Variants in GPR137C observed in about 807,000 individuals in gnomAD.
GPR137C encodes G protein-coupled receptor 137C.
In GPR137C, 27 loss-of-function variants were observed where a neutral mutation model predicts 43.4. The ratio of observed to expected loss-of-function variants is 0.62; its 90% CI spans 0.46 to 0.86. The LOEUF (loss-of-function observed/expected upper bound fraction) is 0.86, where lower values mean the gene tolerates loss of function less well. Among genes scored for constraint, GPR137C ranks in the 40% least tolerant of loss-of-function variants. GPR137C has a pLI of 0.00. For synonymous variants in GPR137C, 285 were observed against 226.9 expected (o/e 1.26, Z -2.30); for missense variants, 522 against 534.6 (o/e 0.98, Z 0.23).
intron 3 of GPR137C, among the ~76,000 whole-genome samples, chr14:52,628,028 C>G (rs1238020036): frequency 6.6e-6 from 1 of 152,142 alleles, no homozygotes; most frequent in Non-Finnish European, 1.5e-5. Flanking sequence ...TAAATACTCT[C>G]ATGTGGCTAG....
intron 1 of GPR137C, among the ~76,000 whole-genome samples, chr14:52,590,268 T>C (rs923143628): frequency 3.9e-5 from 6 of 152,076 alleles, no homozygotes; most frequent in Non-Finnish European, 7.4e-5. Context: ...AAAAAGCTTA[T>C]TGAATAAGGA....
intron 1 of GPR137C, among the ~76,000 whole-genome samples, chr14:52,578,910 C>T (rs1001412659): frequency 2.6e-5 from 4 of 151,496 alleles, no homozygotes; most frequent in Admixed American, 6.6e-5. Context: ...TGCCACTGCA[C>T]TCCTGCCTGG....
At chr14:52,613,662 T>A (rs1479678743) in intron 3 of GPR137C, 2 of 272,320 alleles carry the variant, frequency 7.3e-6, no homozygotes, top group African/African-American at 4.5e-5. Flanking sequence ...CAGTTCCATG[T>A]TGTTGCAGAT....
At chr14:52,569,711 A>T (rs1162769859) in intron 1 of GPR137C, among the ~76,000 whole-genome samples, 1 of 151,896 alleles carries the variant, frequency 6.6e-6, no homozygotes, top group Non-Finnish European at 1.5e-5. Context: ...GATCAACTTA[A>T]TGAAATAAAG....
intron 3 of GPR137C, among the ~76,000 whole-genome samples, chr14:52,624,558 TA>T (rs2039198726): frequency 7.8e-6 from 1 of 127,620 alleles, no homozygotes; most frequent in African/African-American, 2.6e-5. Context: ...ACCTCATCTC[TA>T]CAAAAAATAC....
At chr14:52,625,833 C>T (rs906470240) in intron 3 of GPR137C, among the ~76,000 whole-genome samples, 2 of 151,858 alleles carry the variant, frequency 1.3e-5, no homozygotes, top group Non-Finnish European at 2.9e-5. Flanking sequence ...GAATTACAGG[C>T]GTGAGCCACT....
chr14:52,572,790 A>G (rs977686163), intron 1 of GPR137C, among the ~76,000 whole-genome samples: 3 of 152,236 alleles, frequency 2.0e-5, no homozygotes, highest in Non-Finnish European at 4.4e-5. Context: ...TCAAATAGGA[A>G]GAGAGGAAGC....
At chr14:52,580,573 TG>T (rs1402892043) in intron 1 of GPR137C, among the ~76,000 whole-genome samples, 1 of 151,792 alleles carries the variant, frequency 6.6e-6, no homozygotes, top group Non-Finnish European at 1.5e-5. Flanking sequence ...CATGTTGCCC[TG>T]GGTGGTCTCG....
At chr14:52,584,919 A>G (rs576678574) in intron 1 of GPR137C, among the ~76,000 whole-genome samples, 4 of 152,178 alleles carry the variant, frequency 2.6e-5, no homozygotes, top group African/African-American at 9.6e-5. Context: ...TTTCTGTTAA[A>G]TTGTTTCCAT....
rs1291648086 is a variant in GPR137C, at chr14:52,553,206, C to T, written c.59C>T (p.Pro20Leu). Residue 20 changes from proline (P) to leucine (L), a missense_variant, in exon 1 of 7, where the codon CCC becomes CTC. Transcript: ENST00000321662. ...AAAAPAAGREPSTPGGGSGGG... is the reference protein window; with the variant it reads ...AAAAPAAGRELSTPGGGSGGG... ...GCCGCCCCCGCAGCCGGCCGCGAGC[C>T]CTCCACGCCCGGCGGGGGCAGCGGA... The T allele has an allele frequency of 4.1e-6, 5 of 1,222,420 alleles. No individual in the cohort carries two copies. The highest frequency in any genetic ancestry group is 3.1e-5 in the African/African-American group (2 of 63,758). 75.7% of individuals were successfully genotyped at this position (1,222,420 alleles called of 1,614,324 possible). A position where few individuals can be genotyped will look rare whatever the true frequency, so the allele number is the denominator to read the frequency against.
intron 1 of GPR137C, among the ~76,000 whole-genome samples, chr14:52,574,273 G>C (rs2038517052): frequency 6.6e-6 from 1 of 152,128 alleles, no homozygotes; most frequent in Non-Finnish European, 1.5e-5. Flanking sequence ...GCACACATAT[G>C]TTTATTGTGG....
intron 2 of GPR137C, 111 bp downstream of exon 2, chr14:52,598,426 G>C (rs533038778): frequency 2.2e-6 from 1 of 455,196 alleles, no homozygotes; most frequent in Admixed American, 4.1e-5. Context: ...TAGACTTCTC[G>C]TGGTAGAAGG....
intron 1 of GPR137C, among the ~76,000 whole-genome samples, chr14:52,584,489 T>C (rs2038687461): frequency 6.6e-6 from 1 of 152,288 alleles, no homozygotes; most frequent in Admixed American, 6.5e-5. Flanking sequence ...TTACGGTGAC[T>C]TTTGTGCATG....
chr14:52,565,945 G>C (rs1278025660), intron 1 of GPR137C, among the ~76,000 whole-genome samples: 1 of 152,098 alleles, frequency 6.6e-6, no homozygotes, highest in Non-Finnish European at 1.5e-5. Flanking sequence ...AAAGTGGTTA[G>C]TCTCAGTGAT....
At chr14:52,600,861 G>A (rs2038915973) in intron 3 of GPR137C, among the ~76,000 whole-genome samples, 1 of 152,120 alleles carries the variant, frequency 6.6e-6, no homozygotes, top group Non-Finnish European at 1.5e-5. Flanking sequence ...TGCACAATAA[G>A]GGTGGCAGGG....
chr14:52,565,045 C>T (rs368297603), intron 1 of GPR137C, among the ~76,000 whole-genome samples: 25 of 152,222 alleles, frequency 1.6e-4, no homozygotes, highest in Middle Eastern at 3.4e-3. Context: ...TGTGGTGAAT[C>T]GGAAAGCACG....
At chr14:52,570,971 G>T (rs778930327) in intron 1 of GPR137C, among the ~76,000 whole-genome samples, 16 of 152,178 alleles carry the variant, frequency 1.1e-4, no homozygotes, top group Non-Finnish European at 1.8e-4. Context: ...CTTGAACTCA[G>T]TTCTGAACCA....
chr14:52,558,153 T>TTGGGGGTAGGGCAGGAGTGGTTTTCAG (rs2038223778), intron 1 of GPR137C, among the ~76,000 whole-genome samples: 1 of 151,944 alleles, frequency 6.6e-6, no homozygotes, highest in Non-Finnish European at 1.5e-5. Flanking sequence ...AATGTGTGTC[T>TTGGGGGTAGGGCAGGAGTGGTTTTCAG]TGGGGGTAGG....
chr14:52,624,690 C>G (rs544895933), intron 3 of GPR137C, among the ~76,000 whole-genome samples: 44 of 149,550 alleles, frequency 2.9e-4, no homozygotes, highest in Non-Finnish European at 8.9e-5. Flanking sequence ...TGCCACTGCA[C>G]TCCATCCAAC....
Sources: allele counts gnomAD v4.1 joint callset (sites outside exome capture counted in the v4.1 genomes callset), GRCh38; gene constraint gnomAD v4.1.1; transcripts MANE v1.5; gene names NCBI Gene and HGNC (gene_info 2026-07-23, HGNC 2026-07-21).